Variants in MIR2052HG observed in about 807,000 individuals in gnomAD.
The protein encoded by MIR2052HG is MIR2052 host gene.
intron 2 of MIR2052HG, among the ~76,000 whole-genome samples, chr8:74,649,536 T>C (rs1324877874): frequency 6.6e-6 from 1 of 152,096 alleles, no homozygotes; most frequent in Non-Finnish European, 1.5e-5. Context: ...CCTACATATA[T>C]ATATATGCAC....
At chr8:74,716,945 G>A (rs1809527084) in intron 4 of MIR2052HG, among the ~76,000 whole-genome samples, 1 of 151,692 alleles carries the variant, frequency 6.6e-6, no homozygotes, top group Non-Finnish European at 1.5e-5. Context: ...TTTATATACA[G>A]GTGAAAGAAA....
intron 2 of MIR2052HG, among the ~76,000 whole-genome samples, chr8:74,632,874 T>G (rs1808534135): frequency 6.6e-6 from 1 of 152,142 alleles, no homozygotes; most frequent in Non-Finnish European, 1.5e-5. Context: ...AGTCTCTGTT[T>G]TATGATATAG....
intron 2 of MIR2052HG, among the ~76,000 whole-genome samples, chr8:74,686,528 T>C (rs1301659766): frequency 6.6e-6 from 1 of 151,994 alleles, no homozygotes; most frequent in Non-Finnish European, 1.5e-5. Flanking sequence ...AAAAAGAGAT[T>C]AGAAAACCAG....
chr8:74,603,570 A>G, intron 1 of MIR2052HG: 1 of 1,549,714 alleles, frequency 6.5e-7, no homozygotes, highest in Non-Finnish European at 8.9e-7. Flanking sequence ...CAGTGTTGCC[A>G]TGCGTCATGG....
At position 74,738,133 on chromosome 8, in the gene MIR2052HG, G is replaced by GTATGTATC. The variant is rs1554578693; in HGVS notation, n.372-14305_372-14304insGTATCTAT. ...TGTATGTATGTATGTATGTATGTAT[G>GTATGTATC]TATCTATCTATCTATCCATCTACCT... On this transcript the variant is annotated intron_variant and non_coding_transcript_variant, in intron 4 of 6. Transcript: ENST00000523442. Among the ~76,000 whole-genome samples, 999 of 149,616 alleles carry GTATGTATC rather than the reference G, an allele frequency of 6.7e-3. 5 individuals carry two copies. The highest frequency in any genetic ancestry group is 0.015 in the African/African-American group (589 of 40,288).
chr8:74,645,380 G>C (rs191147314), intron 2 of MIR2052HG, among the ~76,000 whole-genome samples: 1 of 152,010 alleles, frequency 6.6e-6, no homozygotes, highest in East Asian at 1.9e-4. Context: ...CCGCCTCCCA[G>C]GTTCAAGCAA....
At chr8:74,745,657 A>C (rs572087376) in intron 4 of MIR2052HG, among the ~76,000 whole-genome samples, 54 of 152,272 alleles carry the variant, frequency 3.5e-4, no homozygotes, top group Admixed American at 7.2e-4. Flanking sequence ...GGGATTAGGG[A>C]ATATATACCT....
chr8:74,693,388 G>A (rs1809259262), intron 2 of MIR2052HG, among the ~76,000 whole-genome samples: 1 of 152,102 alleles, frequency 6.6e-6, no homozygotes, highest in African/African-American at 2.4e-5. Flanking sequence ...TCTGAACTTT[G>A]TAATAATTTC....
chr8:74,604,260 G>A, intron 1 of MIR2052HG: 2 of 862,706 alleles, frequency 2.3e-6, no homozygotes, highest in Middle Eastern at 5.6e-4. Context: ...GCAGTGTTCT[G>A]GGGAGCTGGA....
chr8:74,645,577 G>A lies in MIR2052HG; in HGVS notation n.216+32637G>A, dbSNP rs763375587. ...TGGGATTACCGGCGCGAGCCACTGCGCCCGGCCTAGAAGATTAAATCTGAG... is the reference window on the plus strand; with the variant it reads ...TGGGATTACCGGCGCGAGCCACTGCACCCGGCCTAGAAGATTAAATCTGAG... On this transcript the variant is annotated intron_variant and non_coding_transcript_variant, in intron 2 of 6. Coordinates refer to ENST00000523442, the Ensembl canonical transcript of MIR2052HG. 2.6e-5 allele frequency among the ~76,000 whole-genome samples: 4 copies of A among 152,308 alleles called. No individual in the cohort carries two copies. The South Asian group carries it at 6.2e-4, about 24-fold the overall frequency.
intron 4 of MIR2052HG, among the ~76,000 whole-genome samples, chr8:74,742,396 T>A (rs1809839931): frequency 6.6e-6 from 1 of 152,224 alleles, no homozygotes; most frequent in South Asian, 2.1e-4. Context: ...AAACATGTTA[T>A]AATCTGGCTA....
intron 2 of MIR2052HG, among the ~76,000 whole-genome samples, chr8:74,650,540 A>T (rs1311961169): frequency 6.6e-6 from 1 of 151,992 alleles, no homozygotes; most frequent in African/African-American, 2.4e-5. Flanking sequence ...ATATTTTTTC[A>T]TGTCTCTGGG....
At chr8:74,650,266 G>A (rs139397093) in intron 2 of MIR2052HG, among the ~76,000 whole-genome samples, 19 of 152,120 alleles carry the variant, frequency 1.2e-4, no homozygotes, top group East Asian at 3.9e-4. Context: ...CTGGAATTTC[G>A]TATAAATAAA....
chr8:74,687,280 G>A (rs1458919048), intron 2 of MIR2052HG, among the ~76,000 whole-genome samples: 1 of 152,100 alleles, frequency 6.6e-6, no homozygotes, highest in Non-Finnish European at 1.5e-5. Flanking sequence ...ATGGAAAACA[G>A]TATGGAGGTT....
intron 2 of MIR2052HG, among the ~76,000 whole-genome samples, chr8:74,664,728 A>G (rs1808903555): frequency 6.6e-6 from 1 of 152,096 alleles, no homozygotes; most frequent in Non-Finnish European, 1.5e-5. Flanking sequence ...CATGTTGGCC[A>G]GCCGGTCTCG....
At chr8:74,676,668 G>C (rs1809056397) in intron 2 of MIR2052HG, among the ~76,000 whole-genome samples, 1 of 151,736 alleles carries the variant, frequency 6.6e-6, no homozygotes, top group African/African-American at 2.4e-5. Context: ...TATTAGATAG[G>C]TTTAAAAATA....
At chr8:74,712,981 C>T (rs1002826754) in intron 4 of MIR2052HG, among the ~76,000 whole-genome samples, 5 of 151,988 alleles carry the variant, frequency 3.3e-5, no homozygotes, top group East Asian at 3.9e-4. Context: ...AAAGCACATA[C>T]GCCAAGAGGA....
chr8:74,735,214 G>A (rs1440215564), intron 4 of MIR2052HG, among the ~76,000 whole-genome samples: 1 of 152,162 alleles, frequency 6.6e-6, no homozygotes, highest in African/African-American at 2.4e-5. Context: ...AGACTTAGAA[G>A]GTACTTGATA....
At chr8:74,640,741 C>T (rs1222323702) in intron 2 of MIR2052HG, among the ~76,000 whole-genome samples, 1 of 152,010 alleles carries the variant, frequency 6.6e-6, no homozygotes, top group Admixed American at 6.5e-5. Flanking sequence ...TTTCCATAAA[C>T]ATCGTCCTTT....
Sources: allele counts gnomAD v4.1 joint callset (sites outside exome capture counted in the v4.1 genomes callset), GRCh38; gene constraint gnomAD v4.1.1; transcripts MANE v1.5; gene names NCBI Gene and HGNC (gene_info 2026-07-23, HGNC 2026-07-21).